ACOXL: variants seen among roughly 807,000 people sequenced by gnomAD.
ACOXL encodes acyl-coenzyme A oxidase-like protein.
ACOXL carries 70 observed loss-of-function variants against 71.9 expected under a neutral mutation model. That is an observed-to-expected ratio of 0.97 (90% CI 0.80 to 1.19). ACOXL has a LOEUF of 1.19. Among genes scored for constraint, ACOXL ranks in the 50% most tolerant of loss-of-function variants. ACOXL has a pLI of 0.00. For synonymous variants in ACOXL, 253 were observed against 281.6 expected (o/e 0.90, Z 1.02); for missense variants, 703 against 736.3 (o/e 0.95, Z 0.52).
chr2:110,750,658 T>C (rs1465311352), intron 1 of ACOXL, among the ~76,000 whole-genome samples: 1 of 149,460 alleles, frequency 6.7e-6, no homozygotes, highest in Non-Finnish European at 1.5e-5. Context: ...TATATTTGTG[T>C]GTGTATGTGT....
rs572471809 is a variant in ACOXL at position 111,039,897 on chromosome 2, G to T, written c.1369+8183G>T. Among the ~76,000 whole-genome samples, 52 of 152,234 alleles carry T rather than the reference G, an allele frequency of 3.4e-4. No homozygotes were observed. In the South Asian group the frequency reaches 0.011, roughly 32 times the overall value. Reference sequence around the variant, plus strand: ...TTAGTCTGGAAAACATAACACAGCAGAAAAAAATGGCTTTCAAAAATGTTC... The same window carrying T: ...TTAGTCTGGAAAACATAACACAGCATAAAAAAATGGCTTTCAAAAATGTTC... On this transcript the variant is annotated intron_variant, in intron 15 of 17. Coordinates refer to ENST00000439055, the MANE Select transcript of ACOXL (RefSeq NM_001142807.4).
chr2:111,048,513 C>A lies in ACOXL; in HGVS notation c.1370-705C>A, dbSNP rs184973330. Among the ~76,000 whole-genome samples the A allele has an allele frequency of 2.2e-3, 340 of 152,246 alleles. 3 individuals carry two copies. The highest frequency in any genetic ancestry group is 1.1e-3 in the Non-Finnish European group (75 of 68,028). ...ACAGGAGGGCAGTCTGTGACTTACA[C>A]CAAAATAAAAATTGGTCACCACATA... On this transcript the variant is annotated intron_variant, in intron 15 of 17. Transcript: ENST00000439055.
chr2:110,903,531 A>G (rs1247777363), intron 10 of ACOXL, among the ~76,000 whole-genome samples: 3 of 152,234 alleles, frequency 2.0e-5, no homozygotes, highest in African/African-American at 7.2e-5. Flanking sequence ...AAAGACCATG[A>G]AAAATTTGAG....
chr2:111,024,000 G>C (rs1447332108), intron 14 of ACOXL, among the ~76,000 whole-genome samples: 2 of 152,200 alleles, frequency 1.3e-5, no homozygotes, highest in African/African-American at 4.8e-5. Flanking sequence ...CTGTTGAACA[G>C]GTCAAGGAGG....
chr2:111,013,349 C>A (rs1403362315), intron 14 of ACOXL, among the ~76,000 whole-genome samples: 3 of 151,816 alleles, frequency 2.0e-5, no homozygotes, highest in Non-Finnish European at 4.4e-5. Context: ...CATGGTGAAA[C>A]CCTGTCTCTA....
At chr2:110,903,951 G>C (rs1477390158) in intron 10 of ACOXL, among the ~76,000 whole-genome samples, 1 of 152,252 alleles carries the variant, frequency 6.6e-6, no homozygotes, top group African/African-American at 2.4e-5. Flanking sequence ...CTGTTGCCAG[G>C]CTGCCTGCAT....
At chr2:110,746,842 T>G (rs1678289843) in intron 1 of ACOXL, among the ~76,000 whole-genome samples, 1 of 141,734 alleles carries the variant, frequency 7.1e-6, no homozygotes, top group South Asian at 2.3e-4. Context: ...TGCCTTCACC[T>G]GAACCAAAAA....
intron 9 of ACOXL, among the ~76,000 whole-genome samples, chr2:110,827,160 T>C (rs1234114258): frequency 6.6e-6 from 1 of 152,152 alleles, no homozygotes; most frequent in African/African-American, 2.4e-5. Context: ...GGTCTGGCAC[T>C]GGATGGAAGA....
At chr2:110,986,484 A>G (rs528757692) in intron 12 of ACOXL, among the ~76,000 whole-genome samples, 1 of 152,328 alleles carries the variant, frequency 6.6e-6, no homozygotes, top group African/African-American at 2.4e-5. Flanking sequence ...TGGCAGCAGC[A>G]TGTCGGGGCT....
At chr2:110,908,960 A>G in intron 11 of ACOXL, 55 bp downstream of exon 11, 2 of 1,321,260 alleles carry the variant, frequency 1.5e-6, no homozygotes, top group South Asian at 1.3e-5. Flanking sequence ...CCCTGGCATG[A>G]GTAAGAATTC....
intron 2 of ACOXL, 71 bp downstream of exon 2, chr2:110,768,535 A>C (rs905537156): frequency 7.1e-7 from 1 of 1,406,928 alleles, no homozygotes; most frequent in African/African-American, 1.5e-5. Flanking sequence ...AGAGAGAGAG[A>C]GAGTTTTTTT....
intron 12 of ACOXL, among the ~76,000 whole-genome samples, chr2:110,949,561 A>G (rs1274071381): frequency 1.3e-5 from 2 of 152,240 alleles, no homozygotes; most frequent in Non-Finnish European, 2.9e-5. Context: ...TTACAAAGAC[A>G]GACGATAAAA....
chr2:110,834,329 C>T (rs1204826315), intron 9 of ACOXL, among the ~76,000 whole-genome samples: 1 of 152,238 alleles, frequency 6.6e-6, no homozygotes, highest in Non-Finnish European at 1.5e-5. Context: ...GGGACTTCAG[C>T]TTTCTAGGAA....
chr2:110,774,574 A>G (rs1270736426), intron 2 of ACOXL, among the ~76,000 whole-genome samples: 1 of 152,390 alleles, frequency 6.6e-6, no homozygotes, highest in South Asian at 2.1e-4. Context: ...TCTACTTATC[A>G]TAGCATCAAA....
chr2:110,740,632 T>C (rs1677406682), intron 1 of ACOXL, among the ~76,000 whole-genome samples: 1 of 152,232 alleles, frequency 6.6e-6, no homozygotes, highest in Non-Finnish European at 1.5e-5. Context: ...GCCTTTGTAT[T>C]TGTAAACTTG....
intron 12 of ACOXL, among the ~76,000 whole-genome samples, chr2:110,986,581 G>A (rs2062942751): frequency 6.6e-6 from 1 of 152,194 alleles, no homozygotes; most frequent in African/African-American, 2.4e-5. Context: ...CAGCGGGCTA[G>A]CCATGGACAT....
At chr2:110,878,174 C>T (rs1443926634) in intron 10 of ACOXL, among the ~76,000 whole-genome samples, 1 of 152,032 alleles carries the variant, frequency 6.6e-6, no homozygotes, top group South Asian at 2.1e-4. Context: ...TTTCAAGAAG[C>T]AAAAGAAGGT....
chr2:110,926,901 C>G (rs2060292801), intron 11 of ACOXL, among the ~76,000 whole-genome samples: 1 of 152,196 alleles, frequency 6.6e-6, no homozygotes, highest in South Asian at 2.1e-4. Flanking sequence ...TAAATTCCTA[C>G]TTGCCAGCTG....
chr2:110,963,702 G>T, intron 12 of ACOXL: 1 of 1,613,794 alleles, frequency 6.2e-7, no homozygotes, highest in Non-Finnish European at 8.5e-7. Context: ...TGACGATGTT[G>T]TTATGCTTCA....
Sources: gnomAD v4.1 joint callset for allele counts (sites outside exome capture counted in the v4.1 genomes callset) on GRCh38, gnomAD v4.1.1 for gene constraint, MANE v1.5 for transcripts, NCBI Gene and HGNC (gene_info 2026-07-23, HGNC 2026-07-21) for gene names.